CYLC2: variants seen among roughly 807,000 people sequenced by gnomAD.
CYLC2 encodes the protein cylicin 2.
In CYLC2, 30 loss-of-function variants were observed where a neutral mutation model predicts 26.1. The observed-to-expected ratio is 1.15, with a 90% CI of 0.86 to 1.56. The LOEUF is 1.56. Ranked by LOEUF, CYLC2 falls within the 40% of genes most tolerant of loss-of-function variation. The pLI, the probability that CYLC2 is intolerant of heterozygous loss-of-function variation, is 0.00. For missense variants in CYLC2, 498 were observed against 394.4 expected, an observed-to-expected ratio of 1.26 and a Z score of -2.23; for synonymous variants, 158 against 132.8, an observed-to-expected ratio of 1.19 and a Z score of -1.31.
intron 2 of CYLC2, 136 bp from the exon 3 acceptor site, chr9:103,003,006 C>A: frequency 9.6e-7 from 1 of 1,037,304 alleles, no homozygotes; most frequent in Non-Finnish European, 1.4e-6. Context: ...AAATTGCAAA[C>A]ATTACCAAAT....
At chr9:103,014,142 A>G (rs1422562991) in intron 6 of CYLC2, among the ~76,000 whole-genome samples, 1 of 121,216 alleles carries the variant, frequency 8.2e-6, no homozygotes, top group Non-Finnish European at 1.6e-5. Context: ...AATATATTAA[A>G]TATATTATTT....
At chr9:103,014,624 T>TATACATATGTATATTAC (rs1564101281) in intron 6 of CYLC2, among the ~76,000 whole-genome samples, 5 of 101,676 alleles carry the variant, frequency 4.9e-5, no homozygotes, top group Admixed American at 2.0e-4. Context: ...ATGTATATTA[T>TATACATATGTATATTAC]GCAGTATACA....
intron 6 of CYLC2, among the ~76,000 whole-genome samples, chr9:103,016,136 A>G (rs1247676824): frequency 6.6e-6 from 1 of 151,868 alleles, no homozygotes; most frequent in African/African-American, 2.4e-5. Context: ...ATATAAGTAT[A>G]GACATAGAAT....
At position 103,001,562 on chromosome 9, in the gene CYLC2, T is replaced by C. The variant is rs1288587206; in HGVS notation, c.18-16T>C. The C allele has an allele frequency of 6.8e-7, 1 of 1,476,152 alleles. No homozygotes were observed. The allele number at this position is 1,476,152 out of a possible 1,614,324, so 91.4% of individuals were successfully genotyped here. On this transcript the variant is annotated splice_polypyrimidine_tract_variant and intron_variant, in intron 1 of 7. Coordinates refer to ENST00000374798, the MANE Select transcript of CYLC2 (RefSeq NM_001340.5). ...TTATATAAATTAACTAAAACCTTTC[T>C]TTTTTGTTTTAATAGCCAAAGAGTA... is the stretch of plus-strand genomic sequence containing the variant.
chr9:103,004,049 A>C (rs1052300137), intron 3 of CYLC2, among the ~76,000 whole-genome samples: 1 of 152,056 alleles, frequency 6.6e-6, no homozygotes, highest in African/African-American at 2.4e-5. Context: ...TTTTGTTAAT[A>C]TTTGTACAGA....
At chr9:103,008,014 T>C (rs1829369227) in intron 5 of CYLC2, among the ~76,000 whole-genome samples, 1 of 152,014 alleles carries the variant, frequency 6.6e-6, no homozygotes, top group Non-Finnish European at 1.5e-5. Context: ...CCCTTTGTTC[T>C]CCTCCCACTC....
intron 7 of CYLC2, among the ~76,000 whole-genome samples, chr9:103,017,723 C>A (rs886093911): frequency 4.6e-5 from 7 of 152,110 alleles, no homozygotes; most frequent in South Asian, 2.1e-4. Flanking sequence ...ACTGCCATGA[C>A]AACAAACCAC....
chr9:103,011,135 A>G lies in CYLC2; in HGVS notation c.*701-847A>G, dbSNP rs950984328. ...ATGCATTGAGAGAGTCACAGTTAAC[A>G]TTGAAACAGTACATACATGCATATA... On this transcript the variant is annotated intron_variant, in intron 5 of 7. Coordinates refer to ENST00000374798, the MANE Select transcript of CYLC2 (RefSeq NM_001340.5). Among the ~76,000 whole-genome samples, 100 of 152,122 alleles carry G rather than the reference A, an allele frequency of 6.6e-4. 1 individual carries two copies. The highest frequency in any genetic ancestry group is 6.2e-3 in the Admixed American group (95 of 15,268).
chr9:103,005,566 C>A lies in CYLC2; in HGVS notation c.935C>A (p.Ser312Tyr), dbSNP rs773488089. 1.9e-6 allele frequency: 3 copies of A among 1,608,774 alleles called. No homozygotes were observed. The highest frequency in any genetic ancestry group is 1.7e-5 in the Admixed American group (1 of 59,068). Residue 312 changes from serine to tyrosine, a missense_variant, in exon 5 of 8, where the codon TCT (serine) becomes TAT (tyrosine). By Grantham distance (144) the Ser-to-Tyr change is moderately radical. Transcript: ENST00000374798. ...KVAKKDTEKE[S>Y]ADSKKDAKKN... is the part of the protein sequence containing the mutation. ...GCCAAGAAAGATACTGAGAAAGAAT[C>A]TGCTGATTCAAAGAAGGATGCAAAG...
intron 6 of CYLC2, among the ~76,000 whole-genome samples, chr9:103,016,231 A>G (rs1829504743): frequency 1.3e-5 from 2 of 152,016 alleles, no homozygotes; most frequent in African/African-American, 4.8e-5. Context: ...TCATATATAG[A>G]TACCTAATTG....
At chr9:103,012,446 C>A (rs1434821764) in intron 6 of CYLC2, among the ~76,000 whole-genome samples, 1 of 151,926 alleles carries the variant, frequency 6.6e-6, no homozygotes, top group African/African-American at 2.4e-5. Flanking sequence ...TCTGAAGACA[C>A]CGAATATTTT....
At chr9:103,013,332 TA>T (rs371756643) in intron 6 of CYLC2, among the ~76,000 whole-genome samples, 16,856 of 42,530 alleles carry the variant, frequency 0.4, 2,727 homozygotes, top group South Asian at 0.5. Flanking sequence ...TATATATATT[TA>T]ATATATTATA....
intron 7 of CYLC2, among the ~76,000 whole-genome samples, chr9:103,017,641 G>C (rs1169878972): frequency 6.6e-6 from 1 of 151,956 alleles, no homozygotes. Flanking sequence ...TGGTCCCTCT[G>C]TAACTTTTCC....
chr9:103,002,207 A>T (rs1829295127), intron 2 of CYLC2, among the ~76,000 whole-genome samples: 1 of 151,968 alleles, frequency 6.6e-6, no homozygotes, highest in South Asian at 2.1e-4. Flanking sequence ...CATTGGCCTC[A>T]TTGGCAACTT....
chr9:102,995,648 A>T (rs1168002658), intron 1 of CYLC2, among the ~76,000 whole-genome samples: 1 of 151,810 alleles, frequency 6.6e-6, no homozygotes, highest in Non-Finnish European at 1.5e-5. Context: ...TTTTACTGCT[A>T]GTCTTACTTG....
At chr9:103,006,736 G>A (rs1034701581) in intron 5 of CYLC2, among the ~76,000 whole-genome samples, 3 of 152,046 alleles carry the variant, frequency 2.0e-5, no homozygotes, top group African/African-American at 7.2e-5. Flanking sequence ...TTTTAAGCCA[G>A]ATTGAATTAA....
At chr9:103,016,102 T>C (rs1008899620) in intron 6 of CYLC2, among the ~76,000 whole-genome samples, 22 of 151,824 alleles carry the variant, frequency 1.4e-4, no homozygotes, top group African/African-American at 5.1e-4. Flanking sequence ...TATCTATATC[T>C]ACATATACAC....
At chr9:103,013,028 C>G (rs1327860940) in intron 6 of CYLC2, among the ~76,000 whole-genome samples, 1 of 146,864 alleles carries the variant, frequency 6.8e-6, no homozygotes, top group East Asian at 2.0e-4. Context: ...TTATTGATAG[C>G]AAGATTAAGA....
intron 1 of CYLC2, among the ~76,000 whole-genome samples, chr9:102,995,634 GT>G (rs956988203): frequency 6.6e-6 from 1 of 151,578 alleles, no homozygotes; most frequent in Non-Finnish European, 1.5e-5. Flanking sequence ...TTTTTTGTTT[GT>G]TTTTTTACTG....
Sources: allele counts gnomAD v4.1 joint callset (sites outside exome capture counted in the v4.1 genomes callset), GRCh38; gene constraint gnomAD v4.1.1; transcripts MANE v1.5; gene names NCBI Gene and HGNC (gene_info 2026-07-23, HGNC 2026-07-21).